The following UGT2A2 variants were observed in gnomAD, a reference collection of about 807,000 sequenced individuals.
UGT2A2 encodes the protein UDP glucuronosyltransferase family 2 member A2, also known as UDP-glucuronosyltransferase 2A2.
A neutral mutation model predicts 50.7 loss-of-function variants in UGT2A2; 60 were observed. That is an observed-to-expected ratio of 1.18 (90% CI 0.96 to 1.47). The LOEUF is 1.47. UGT2A2 is among the 40% of genes most tolerant of loss of function. The pLI is 0.00. For synonymous variants in UGT2A2, 242 were observed against 214.6 expected (o/e 1.13, Z -1.11); for missense variants, 762 against 634.0 (o/e 1.20, Z -2.17).
intron 2 of UGT2A2, among the ~76,000 whole-genome samples, chr4:69,597,193 T>A (rs1718978231): frequency 6.6e-6 from 1 of 152,062 alleles, no homozygotes; most frequent in South Asian, 2.1e-4. Flanking sequence ...TAAGAAAAAA[T>A]TTGTTTAAAA....
intron 1 of UGT2A2, among the ~76,000 whole-genome samples, chr4:69,632,688 G>A (rs893224360): frequency 4.6e-5 from 7 of 152,010 alleles, no homozygotes; most frequent in African/African-American, 1.4e-4. Flanking sequence ...AAGAGTTTGA[G>A]ACCTGCCTGG....
chr4:69,635,466 C>A (rs1721623000), intron 1 of UGT2A2, among the ~76,000 whole-genome samples: 4 of 152,140 alleles, frequency 2.6e-5, no homozygotes, highest in African/African-American at 9.7e-5. Context: ...GCAGCAAAGG[C>A]TAGTCTCAAA....
chr4:69,596,261 T>C lies in UGT2A2; in HGVS notation c.1012A>G (p.Ile338Val). ...ANLIASALAQ[I>V]PQKVLWRYKG... is the part of the protein sequence containing the mutation. ...CAGGCTGTACTGACCTTCTGTGGAA[T>C]CTGGGCAAGGGCTGAGGCAATAAGA... Residue 338 changes from isoleucine to valine, a missense_variant, in exon 3 of 6, where the codon ATT (isoleucine) becomes GTT (valine). Coordinates refer to ENST00000604629, the MANE Select transcript of UGT2A2 (RefSeq NM_001105677.2). The C allele has an allele frequency of 6.3e-7, 1 of 1,580,334 alleles. No individual in the cohort carries two copies. The highest frequency in any genetic ancestry group is 8.6e-7 in the Non-Finnish European group (1 of 1,163,330).
intron 1 of UGT2A2, among the ~76,000 whole-genome samples, chr4:69,620,065 A>G (rs1440711254): frequency 1.3e-5 from 2 of 152,084 alleles, no homozygotes; most frequent in African/African-American, 4.8e-5. Context: ...TTTTCCTTAT[A>G]AACTGGCAAA....
rs1207502344 is a variant in UGT2A2 at position 69,602,472 on chromosome 4, T to TATC, written c.743-3081_743-3079dup. ...ACAAAGATTTAGGAGTTTATCTATC[T>TATC]ATCTATCTATCTATCTATCTATCTA... On this transcript the variant is annotated intron_variant, in intron 1 of 5. Coordinates refer to ENST00000604629, the MANE Select transcript of UGT2A2 (RefSeq NM_001105677.2). 1.9e-5 allele frequency among the ~76,000 whole-genome samples: 2 copies of TATC among 103,490 alleles called. 1 individual carries two copies. The allele number at this position is 103,490 out of a possible 152,430, so 67.9% of individuals were successfully genotyped here. A position where few individuals can be genotyped will look rare whatever the true frequency, so the allele number is the denominator to read the frequency against.
chr4:69,599,807 AAAAG>A (rs1719162344), intron 1 of UGT2A2: 1 of 160,560 alleles, frequency 6.2e-6, no homozygotes, highest in Non-Finnish European at 1.3e-5. Context: ...TTGTTAGTGA[AAAAG>A]AAGTAATGTG....
chr4:69,589,881 T>C (rs545889676), intron 5 of UGT2A2, among the ~76,000 whole-genome samples: 78 of 152,254 alleles, frequency 5.1e-4, no homozygotes, highest in Non-Finnish European at 1.1e-3. Flanking sequence ...CATAAAAAAG[T>C]AGAGTAAGCC....
intron 1 of UGT2A2, among the ~76,000 whole-genome samples, chr4:69,636,351 A>T (rs2109964424): frequency 6.6e-6 from 1 of 152,286 alleles, no homozygotes; most frequent in Non-Finnish European, 1.5e-5. Context: ...TTTGTTTGTG[A>T]TGGCAAACAA....
chr4:69,635,002 G>A (rs997862144), intron 1 of UGT2A2, among the ~76,000 whole-genome samples: 30 of 152,132 alleles, frequency 2.0e-4, no homozygotes, highest in Non-Finnish European at 3.4e-4. Context: ...GGAAATGCTT[G>A]AGGGGATGGA....
intron 1 of UGT2A2, among the ~76,000 whole-genome samples, chr4:69,629,201 C>A (rs1479195415): frequency 6.6e-6 from 1 of 151,694 alleles, no homozygotes; most frequent in Non-Finnish European, 1.5e-5. Flanking sequence ...TATTAATACT[C>A]CTCCAGGTAG....
chr4:69,591,580 G>A (rs1287343188), intron 5 of UGT2A2, among the ~76,000 whole-genome samples: 3 of 152,156 alleles, frequency 2.0e-5, no homozygotes, highest in African/African-American at 7.2e-5. Flanking sequence ...GCTAATGCCA[G>A]AGAGGTATAC....
chr4:69,604,499 G>A (rs1248330244), intron 1 of UGT2A2, among the ~76,000 whole-genome samples: 1 of 136,760 alleles, frequency 7.3e-6, no homozygotes, highest in Non-Finnish European at 1.6e-5. Flanking sequence ...AGGCTAGGAA[G>A]AAACTGCATC....
intron 1 of UGT2A2, among the ~76,000 whole-genome samples, chr4:69,606,032 C>G (rs1039212263): frequency 2.2e-5 from 3 of 136,340 alleles, no homozygotes; most frequent in Non-Finnish European, 4.7e-5. Context: ...GAAACTATTC[C>G]AAGCAATAGA....
chr4:69,598,803 T>C (rs935681827), intron 2 of UGT2A2, among the ~76,000 whole-genome samples: 2 of 152,130 alleles, frequency 1.3e-5, no homozygotes, highest in African/African-American at 4.8e-5. Flanking sequence ...CCTTATTTCA[T>C]TGTCTTTCTT....
At chr4:69,637,135 AG>A (rs1428438591) in intron 1 of UGT2A2, among the ~76,000 whole-genome samples, 1 of 152,186 alleles carries the variant, frequency 6.6e-6, no homozygotes, top group Non-Finnish European at 1.5e-5. Flanking sequence ...TGTGGTTTGA[AG>A]GCATATAAAA....
intron 5 of UGT2A2, among the ~76,000 whole-genome samples, chr4:69,593,521 A>G (rs1718706900): frequency 6.6e-6 from 1 of 151,278 alleles, no homozygotes; most frequent in Non-Finnish European, 1.5e-5. Context: ...GACACAATAT[A>G]TATACACACA....
rs750770233 is a variant in UGT2A2 at position 69,589,551 on chromosome 4, T to G, written c.1432A>C (p.Lys478Gln). The G allele has an allele frequency of 5.0e-6, 8 of 1,614,050 alleles. No homozygotes were observed. The East Asian group carries it at 1.6e-4, about 31-fold the overall frequency. The stretch of plus-strand genomic sequence containing the variant: ...GCAACCCGAAGGTGCTTGGCTCCTT[T>G]GTGGCGCATGACAAACTCGATCCAG... ...VFWIEFVMRH[K>Q]GAKHLRVAAH... Residue 478 changes from lysine to glutamine, a missense_variant, in exon 6 of 6, where the codon AAA (lysine) becomes CAA (glutamine). Coordinates refer to ENST00000604629, the MANE Select transcript of UGT2A2 (RefSeq NM_001105677.2).
chr4:69,624,261 A>T (rs1198052205), intron 1 of UGT2A2, among the ~76,000 whole-genome samples: 1 of 151,472 alleles, frequency 6.6e-6, no homozygotes, highest in Non-Finnish European at 1.5e-5. Flanking sequence ...ATTTCTCTGA[A>T]GGTCTAATTT....
At chr4:69,608,737 C>G (rs912993645) in intron 1 of UGT2A2, among the ~76,000 whole-genome samples, 3 of 151,960 alleles carry the variant, frequency 2.0e-5, no homozygotes, top group African/African-American at 7.3e-5. Context: ...CTCTTGTTGC[C>G]CAGGCTGGAG....
Sources: allele counts gnomAD v4.1 joint callset (sites outside exome capture counted in the v4.1 genomes callset), GRCh38; gene constraint gnomAD v4.1.1; transcripts MANE v1.5; gene names NCBI Gene and HGNC (gene_info 2026-07-23, HGNC 2026-07-21).